Variants in CTNNA3 observed in about 807,000 individuals in gnomAD.
The protein encoded by CTNNA3 is catenin alpha-3.
A neutral mutation model predicts 95.7 loss-of-function variants in CTNNA3; 76 were observed. The observed-to-expected ratio is 0.79, with a 90% CI of 0.66 to 0.96. CTNNA3 has a LOEUF of 0.96. Ranked by LOEUF, CTNNA3 falls within the 40% of genes least tolerant of loss-of-function variation. CTNNA3 has a pLI of 0.00. For missense variants in CTNNA3, 1,191 were observed against 1,089.8 expected, an observed-to-expected ratio of 1.09 and a Z score of -1.31; for synonymous variants, 431 against 374.4, an observed-to-expected ratio of 1.15 and a Z score of -1.74.
chr10:67,443,344 A>T (rs1014945713), intron 5 of CTNNA3, among the ~76,000 whole-genome samples: 60 of 141,314 alleles, frequency 4.2e-4, no homozygotes, highest in African/African-American at 1.5e-3. Context: ...TGGTATTTCT[A>T]GTTCTAGATC....
At chr10:66,271,892 C>T (rs1157873146) in intron 13 of CTNNA3, among the ~76,000 whole-genome samples, 2 of 152,160 alleles carry the variant, frequency 1.3e-5, no homozygotes, top group African/African-American at 4.8e-5. Context: ...TAGCTTAACA[C>T]GTTTCCTGAA....
At chr10:67,524,795 G>A (rs983818643) in intron 4 of CTNNA3, among the ~76,000 whole-genome samples, 1 of 152,102 alleles carries the variant, frequency 6.6e-6, no homozygotes, top group African/African-American at 2.4e-5. Flanking sequence ...AGATACTAAA[G>A]AGTGAAAGCA....
rs541631524 is a variant in CTNNA3, at chr10:67,204,385, T to C, written c.843+15222A>G. Among the ~76,000 whole-genome samples, 11 of 152,158 alleles carry C rather than the reference T, an allele frequency of 7.2e-5. No homozygotes were observed. In the East Asian group the frequency reaches 1.9e-3, roughly 27 times the overall value. ...TGTATGGCACCTCCCCCCCTCTCTC[T>C]TCCTCCTGCTCCAGCCATGTAAGAC... On this transcript the variant is annotated intron_variant, in intron 6 of 17. Transcript: ENST00000433211.
rs549751731 is a variant in CTNNA3 at position 66,272,014 on chromosome 10, C to T, written c.1884+8456G>A. Among the ~76,000 whole-genome samples the T allele has an allele frequency of 3.7e-4, 56 of 152,276 alleles. No individual in the cohort carries two copies. In the South Asian group the frequency reaches 0.011, roughly 30 times the overall value. On this transcript the variant is annotated intron_variant, in intron 13 of 17. Transcript: ENST00000433211. ...CTGAGAGCATAAGACTTCTTGCTGA[C>T]CAGTGCCAGCAGGCGTTCCAAGGTT... is the stretch of plus-strand genomic sequence containing the variant.
intron 13 of CTNNA3, among the ~76,000 whole-genome samples, chr10:66,213,776 A>T (rs934473588): frequency 3.9e-5 from 6 of 152,172 alleles, no homozygotes; most frequent in Admixed American, 2.0e-4. Context: ...TTCTCAATTC[A>T]CATTAATGCG....
chr10:66,767,936 A>G (rs1027472491), intron 8 of CTNNA3, among the ~76,000 whole-genome samples: 2 of 152,192 alleles, frequency 1.3e-5, no homozygotes, highest in Non-Finnish European at 2.9e-5. Flanking sequence ...TACTAGTGGC[A>G]ACTAATATTT....
intron 5 of CTNNA3, among the ~76,000 whole-genome samples, chr10:67,438,005 A>T (rs1406438136): frequency 6.6e-6 from 1 of 152,026 alleles, no homozygotes; most frequent in Non-Finnish European, 1.5e-5. Flanking sequence ...TTTCTGGAGA[A>T]ATATGAAATA....
intron 9 of CTNNA3, among the ~76,000 whole-genome samples, chr10:66,691,612 T>G (rs979630446): frequency 6.6e-6 from 1 of 152,144 alleles, no homozygotes; most frequent in Non-Finnish European, 1.5e-5. Context: ...GAGCAGTGGT[T>G]ATCCCAGCAC....
chr10:67,723,826 C>G (rs1841193458), intron 1 of CTNNA3, among the ~76,000 whole-genome samples: 1 of 152,084 alleles, frequency 6.6e-6, no homozygotes, highest in South Asian at 2.1e-4. Flanking sequence ...TGTCATACCC[C>G]ACGTCTTTCT....
intron 2 of CTNNA3, among the ~76,000 whole-genome samples, chr10:67,614,477 T>C (rs1422529347): frequency 6.6e-6 from 1 of 152,218 alleles, no homozygotes. Flanking sequence ...TGGGAGACAG[T>C]GGCAGATCAT....
At chr10:66,892,195 G>A (rs147390808) in intron 7 of CTNNA3, among the ~76,000 whole-genome samples, 351 of 152,058 alleles carry the variant, frequency 2.3e-3, no homozygotes, top group African/African-American at 8.0e-3. Flanking sequence ...AAGTACAATG[G>A]CAACTAAAAT....
intron 14 of CTNNA3, among the ~76,000 whole-genome samples, chr10:66,069,990 T>C (rs1459758191): frequency 6.6e-6 from 1 of 152,160 alleles, no homozygotes; most frequent in Non-Finnish European, 1.5e-5. Context: ...TTAGTTTGAA[T>C]TTTCTGTAAA....
chr10:67,228,145 A>C (rs1865016281), intron 5 of CTNNA3, among the ~76,000 whole-genome samples: 1 of 152,170 alleles, frequency 6.6e-6, no homozygotes, highest in Non-Finnish European at 1.5e-5. Context: ...AACCAAACCC[A>C]AACCCAGCAG....
intron 5 of CTNNA3, among the ~76,000 whole-genome samples, chr10:67,508,530 C>T (rs544023426): frequency 6.6e-6 from 1 of 152,208 alleles, no homozygotes; most frequent in African/African-American, 2.4e-5. Flanking sequence ...AAGCTGTAAA[C>T]ATAAGCCCTG....
chr10:66,894,372 TTCTTATG>T (rs1310712345), intron 7 of CTNNA3, among the ~76,000 whole-genome samples: 1 of 152,076 alleles, frequency 6.6e-6, no homozygotes, highest in Non-Finnish European at 1.5e-5. Context: ...AAGTTGCTTG[TTCTTATG>T]TCTTCTTATA....
chr10:67,749,552 C>T (rs550187013), intron 1 of CTNNA3, among the ~76,000 whole-genome samples: 7 of 152,140 alleles, frequency 4.6e-5, no homozygotes, highest in South Asian at 4.1e-4. Flanking sequence ...CAACCTGCTC[C>T]GAATGACTCC....
chr10:66,138,859 A>G (rs1331683687), intron 13 of CTNNA3, among the ~76,000 whole-genome samples: 3 of 152,178 alleles, frequency 2.0e-5, no homozygotes, highest in Non-Finnish European at 2.9e-5. Context: ...CTGTTTCAAA[A>G]TGAAATGAAA....
intron 12 of CTNNA3, among the ~76,000 whole-genome samples, chr10:66,318,567 C>G (rs1564863306): frequency 6.6e-6 from 1 of 151,986 alleles, no homozygotes; most frequent in Non-Finnish European, 1.5e-5. Flanking sequence ...TTTTCCTCAT[C>G]CATGCTATTG....
At chr10:67,405,565 A>G (rs1845110191) in intron 5 of CTNNA3, among the ~76,000 whole-genome samples, 1 of 152,226 alleles carries the variant, frequency 6.6e-6, no homozygotes, top group South Asian at 2.1e-4. Flanking sequence ...AGAGACCTTC[A>G]AAGAGACTTA....
Sources: allele counts gnomAD v4.1 joint callset (sites outside exome capture counted in the v4.1 genomes callset), GRCh38; gene constraint gnomAD v4.1.1; transcripts MANE v1.5; gene names NCBI Gene and HGNC (gene_info 2026-07-23, HGNC 2026-07-21).